Variants in STK33 observed in about 807,000 individuals in gnomAD.
The protein encoded by STK33 is serine/threonine-protein kinase 33.
In STK33, 52 loss-of-function variants were observed where a neutral mutation model predicts 58.0. The observed-to-expected ratio is 0.90, with a 90% CI of 0.72 to 1.13. STK33 has a LOEUF of 1.13. STK33 is among the 50% of genes most tolerant of loss of function. The pLI is 0.00. For synonymous variants in STK33, 215 were observed against 200.1 expected (o/e 1.07, Z -0.63); for missense variants, 630 against 604.2 (o/e 1.04, Z -0.45).
In STK33 at chr11:8,476,681, C is replaced by A. The variant is rs10840057; in HGVS notation, c.-162+6G>T. 0.17 allele frequency: 25,288 copies of A among 152,242 alleles called. 2,670 individuals carry two copies. The highest frequency in any genetic ancestry group is 0.32 in the South Asian group (1,521 of 4,816). The allele number at this position is 152,242 out of a possible 1,614,324, so 9.4% of individuals were successfully genotyped here. A position where few individuals can be genotyped will look rare whatever the true frequency, so the allele number is the denominator to read the frequency against. On this transcript the variant is annotated splice_donor_region_variant and intron_variant, in intron 4 of 15. Transcript: ENST00000687296. ...AACAACAAGCCCATGCCCTCTCCCCCCTTACCTTGCTTTGTTTTTCTTCAT... is the reference window on the plus strand; with the variant it reads ...AACAACAAGCCCATGCCCTCTCCCCACTTACCTTGCTTTGTTTTTCTTCAT...
chr11:8,427,442 T>G (rs909694619), intron 14 of STK33, among the ~76,000 whole-genome samples: 3 of 152,138 alleles, frequency 2.0e-5, no homozygotes, highest in Non-Finnish European at 4.4e-5. Context: ...TTTGTCAGTT[T>G]TTTTCTTCTC....
intron 6 of STK33, among the ~76,000 whole-genome samples, chr11:8,470,564 AG>A (rs1310584070): frequency 2.0e-5 from 3 of 152,234 alleles, no homozygotes; most frequent in African/African-American, 7.2e-5. Flanking sequence ...ATGGTGCAAG[AG>A]GCCTAGCTTT....
At chr11:8,453,676 G>A (rs892871718) in intron 10 of STK33, among the ~76,000 whole-genome samples, 2 of 152,174 alleles carry the variant, frequency 1.3e-5, no homozygotes, top group African/African-American at 4.8e-5. Context: ...TAGACTGAAG[G>A]CAGAAAAACA....
At chr11:8,560,175 G>A (rs1274913525) in intron 1 of STK33, among the ~76,000 whole-genome samples, 2 of 152,146 alleles carry the variant, frequency 1.3e-5, no homozygotes, top group Admixed American at 1.3e-4. Flanking sequence ...GCACTGCAGA[G>A]ATAAATGTGT....
At chr11:8,469,542 A>G (rs904506771) in intron 6 of STK33, among the ~76,000 whole-genome samples, 3 of 152,214 alleles carry the variant, frequency 2.0e-5, no homozygotes, top group African/African-American at 7.2e-5. Context: ...ACCAGACTCC[A>G]TCAGTGTTGA....
downstream of STK33, among the ~76,000 whole-genome samples, chr11:8,391,264 G>A (rs1466683221): frequency 6.6e-6 from 1 of 152,214 alleles, no homozygotes; most frequent in East Asian, 1.9e-4. Flanking sequence ...TCTTGAAGCA[G>A]CTATGTTAAT....
At chr11:8,513,427 A>C (rs1033697284) in intron 1 of STK33, among the ~76,000 whole-genome samples, 1 of 152,194 alleles carries the variant, frequency 6.6e-6, no homozygotes, top group African/African-American at 2.4e-5. Flanking sequence ...ATAAGGCACT[A>C]TTCATGAATG....
intron 1 of STK33, among the ~76,000 whole-genome samples, chr11:8,519,121 C>T (rs925787656): frequency 6.6e-6 from 1 of 152,170 alleles, no homozygotes; most frequent in Non-Finnish European, 1.5e-5. Context: ...TGTAAAAGAA[C>T]AGAAATTATA....
intron 1 of STK33, among the ~76,000 whole-genome samples, chr11:8,557,359 T>TGGAA (rs147551157): frequency 0.033 from 3,777 of 115,958 alleles, 71 homozygotes; most frequent in Non-Finnish European, 0.051. Flanking sequence ...GAAAGAAGGA[T>TGGAA]GGAAGGAAGG....
intron 1 of STK33, among the ~76,000 whole-genome samples, chr11:8,590,609 C>T (rs527566137): frequency 5.3e-5 from 8 of 152,214 alleles, no homozygotes; most frequent in Non-Finnish European, 1.0e-4. Flanking sequence ...CTGCCCCTCA[C>T]CTTGTAAACT....
At chr11:8,589,708 T>G (rs562361806) in intron 1 of STK33, among the ~76,000 whole-genome samples, 4 of 152,304 alleles carry the variant, frequency 2.6e-5, no homozygotes, top group African/African-American at 9.6e-5. Flanking sequence ...AGTTTACATA[T>G]TATATGTACC....
At chr11:8,406,507 G>A (rs1287612740) in intron 15 of STK33, among the ~76,000 whole-genome samples, 1 of 152,072 alleles carries the variant, frequency 6.6e-6, no homozygotes, top group Non-Finnish European at 1.5e-5. Flanking sequence ...CCATAAACAT[G>A]GTATATCTCT....
chr11:8,586,236 AAC>A (rs2031598663), intron 1 of STK33, among the ~76,000 whole-genome samples: 1 of 151,538 alleles, frequency 6.6e-6, no homozygotes, highest in African/African-American at 2.4e-5. Context: ...AAAAAAAAAA[AAC>A]ACCTGACTTC....
At chr11:8,453,012 G>A in intron 10 of STK33, 106 bp from the exon 11 acceptor site, 1 of 981,294 alleles carries the variant, frequency 1.0e-6, no homozygotes, top group Non-Finnish European at 1.6e-6. Flanking sequence ...TGGGGTTCTT[G>A]GGGGTGGGAG....
intron 1 of STK33, among the ~76,000 whole-genome samples, chr11:8,555,651 C>T (rs574358929): frequency 1.3e-5 from 2 of 151,138 alleles, no homozygotes; most frequent in African/African-American, 4.9e-5. Context: ...GGTGACAGAG[C>T]GAGACTCCAT....
intron 10 of STK33, 108 bp downstream of exon 10, chr11:8,454,636 T>C: frequency 7.6e-7 from 1 of 1,316,462 alleles, no homozygotes; most frequent in Non-Finnish European, 1.0e-6. Flanking sequence ...GCCACTTATT[T>C]TCTGGCTGCT....
the STK33 span, among the ~76,000 whole-genome samples, chr11:8,376,636 G>A: frequency 6.6e-6 from 1 of 152,018 alleles, no homozygotes; most frequent in South Asian, 2.1e-4. Flanking sequence ...CTGCCTCCCG[G>A]GTTCAAGTGA....
At chr11:8,475,223 C>G in intron 4 of STK33, 157 bp from the exon 5 acceptor site, 1 of 222,794 alleles carries the variant, frequency 4.5e-6, no homozygotes. Flanking sequence ...TGGTCTAAAA[C>G]AGCATCTTAT....
chr11:8,457,693 T>G (rs1947043940), intron 8 of STK33, among the ~76,000 whole-genome samples: 1 of 152,216 alleles, frequency 6.6e-6, no homozygotes, highest in Non-Finnish European at 1.5e-5. Flanking sequence ...TAGTTATCAT[T>G]ACAGTATCAT....
Sources: allele counts gnomAD v4.1 joint callset (sites outside exome capture counted in the v4.1 genomes callset), GRCh38; gene constraint gnomAD v4.1.1; transcripts MANE v1.5; gene names NCBI Gene and HGNC (gene_info 2026-07-23, HGNC 2026-07-21).